NT5E: variants seen among roughly 807,000 people sequenced by gnomAD.
NT5E encodes 5'-nucleotidase ecto.
A neutral mutation model predicts 55.1 loss-of-function variants in NT5E; 53 were observed. The observed-to-expected ratio is 0.96, with a 90% CI of 0.77 to 1.21. The LOEUF is 1.21. Among genes scored for constraint, NT5E ranks in the 50% most tolerant of loss-of-function variants. NT5E has a pLI of 0.00. For missense variants in NT5E, 683 were observed against 724.3 expected, an observed-to-expected ratio of 0.94 and a Z score of 0.65; for synonymous variants, 270 against 278.4, an observed-to-expected ratio of 0.97 and a Z score of 0.30.
chr6:85,479,639 A>G (rs1174552454), intron 3 of NT5E, among the ~76,000 whole-genome samples: 1 of 152,210 alleles, frequency 6.6e-6, no homozygotes, highest in African/African-American at 2.4e-5. Flanking sequence ...GAGTATATCA[A>G]TGTATGGTCA....
intron 3 of NT5E, among the ~76,000 whole-genome samples, chr6:85,479,919 T>G (rs1459032161): frequency 6.6e-6 from 1 of 152,210 alleles, no homozygotes; most frequent in Non-Finnish European, 1.5e-5. Context: ...GTATCTGGAA[T>G]GATGCTGAGC....
chr6:85,468,537 G>A (rs1429433018), intron 2 of NT5E, among the ~76,000 whole-genome samples: 1 of 152,198 alleles, frequency 6.6e-6, no homozygotes, highest in African/African-American at 2.4e-5. Flanking sequence ...CCCAATGACT[G>A]TGCACAGTGC....
At chr6:85,492,564 CTG>C (rs1769809006) in intron 8 of NT5E, among the ~76,000 whole-genome samples, 1 of 152,154 alleles carries the variant, frequency 6.6e-6, no homozygotes, top group Admixed American at 6.5e-5. Flanking sequence ...GAAGAAGTTT[CTG>C]TGTGAATCAG....
intron 6 of NT5E, among the ~76,000 whole-genome samples, chr6:85,490,041 T>C (rs1296586922): frequency 1.3e-5 from 2 of 152,234 alleles, no homozygotes; most frequent in African/African-American, 2.4e-5. Context: ...TTATATCATA[T>C]GGCAAAACAA....
chr6:85,458,456 T>G (rs747323501), intron 1 of NT5E, among the ~76,000 whole-genome samples: 2 of 152,206 alleles, frequency 1.3e-5, no homozygotes, highest in African/African-American at 4.8e-5. Flanking sequence ...AGGTAGTTTC[T>G]CAGCTCATCT....
chr6:85,473,972 C>A (rs116328845), intron 3 of NT5E, among the ~76,000 whole-genome samples: 162 of 152,280 alleles, frequency 1.1e-3, no homozygotes, highest in African/African-American at 3.4e-3. Context: ...AGTGAGTGTG[C>A]CCTGATAGAC....
intron 2 of NT5E, 26 bp downstream of exon 2, chr6:85,467,308 A>G (rs770355566): frequency 7.7e-6 from 12 of 1,567,290 alleles, no homozygotes; most frequent in Non-Finnish European, 1.1e-5. Flanking sequence ...ATAGCACTCA[A>G]TGCTTGAAAA....
At chr6:85,472,225 C>A (rs920188107) in intron 3 of NT5E, among the ~76,000 whole-genome samples, 1 of 152,152 alleles carries the variant, frequency 6.6e-6, no homozygotes, top group Middle Eastern at 3.2e-3. Flanking sequence ...AAGGCTTTGG[C>A]GTGGGAACAG....
chr6:85,486,047 T>A (rs1287020350), intron 4 of NT5E, among the ~76,000 whole-genome samples: 1 of 152,202 alleles, frequency 6.6e-6, no homozygotes, highest in Non-Finnish European at 1.5e-5. Context: ...GCACTGGATA[T>A]ACCAGCATTT....
rs750031099 is a variant in NT5E at position 85,490,491 on chromosome 6, T to C, written c.1211-17T>C. On this transcript the variant is annotated splice_polypyrimidine_tract_variant and intron_variant, in intron 6 of 8. Coordinates refer to ENST00000257770, the MANE Select transcript of NT5E (RefSeq NM_002526.4). ...TCAAGCTATTTTCCTTCTTGCCTCA[T>C]CTGTGACTACCCTCAGGCACAATTA... 8 of 1,614,148 alleles carry C rather than the reference T, an allele frequency of 5.0e-6. No individual in the cohort carries two copies. Among genetic ancestry groups the C allele is most frequent in the Non-Finnish European group, 6.8e-6 (8 of 1,179,954 alleles).
chr6:85,478,547 G>C (rs1305394568), intron 3 of NT5E, among the ~76,000 whole-genome samples: 1 of 152,064 alleles, frequency 6.6e-6, no homozygotes, highest in Non-Finnish European at 1.5e-5. Context: ...TTCCTCTCAG[G>C]CTTAGCCACC....
At position 85,495,040 on chromosome 6, in the gene NT5E, T is replaced by C. The variant is rs1421660261; in HGVS notation, c.*1036T>C. On this transcript the variant is annotated 3_prime_UTR_variant, in exon 9 of 9. Coordinates refer to ENST00000257770, the MANE Select transcript of NT5E (RefSeq NM_002526.4). ...CTAACATAAGCTGTAATTCTAAACC[T>C]GCACTTGTCCCTCTCCAGCAAGAGG... 2 of 152,240 alleles carry C rather than the reference T, an allele frequency of 1.3e-5. No homozygotes were observed. Among genetic ancestry groups the C allele is most frequent in the African/African-American group, 2.4e-5 (1 of 41,464 alleles). 9.4% of individuals were successfully genotyped at this position (152,240 alleles called of 1,614,324 possible).
Position 85,478,376 on chromosome 6 carries a change from G to T in NT5E, c.752-6859G>T, listed in dbSNP as rs112565593. Among the ~76,000 whole-genome samples, 770 of 152,346 alleles carry T rather than the reference G, an allele frequency of 5.1e-3. 3 individuals are homozygous for T. The highest frequency in any genetic ancestry group is 8.8e-3 in the Non-Finnish European group (598 of 68,040). ...AAAGGTGATGGCCAGCTACTGTGAA[G>T]TCTTAAGCCCACTCATAGGTACGAA... On this transcript the variant is annotated intron_variant, in intron 3 of 8. Coordinates refer to ENST00000257770, the MANE Select transcript of NT5E (RefSeq NM_002526.4).
intron 1 of NT5E, among the ~76,000 whole-genome samples, chr6:85,466,352 C>T (rs772376059): frequency 2.0e-5 from 3 of 152,174 alleles, no homozygotes; most frequent in African/African-American, 4.8e-5. Context: ...GTACAGAACC[C>T]GCTGAAGGTC....
At chr6:85,486,621 C>G (rs942494847) in intron 4 of NT5E, among the ~76,000 whole-genome samples, 6 of 152,156 alleles carry the variant, frequency 3.9e-5, no homozygotes, top group Non-Finnish European at 7.4e-5. Flanking sequence ...CATTTGTAGG[C>G]TCTCTGCAGG....
At chr6:85,470,285 G>C (rs1267144929) in intron 2 of NT5E, among the ~76,000 whole-genome samples, 1 of 152,184 alleles carries the variant, frequency 6.6e-6, no homozygotes, top group Non-Finnish European at 1.5e-5. Flanking sequence ...TGCACAGTGA[G>C]AGCCATGCTT....
At chr6:85,454,995 A>G (rs1002465759) in intron 1 of NT5E, among the ~76,000 whole-genome samples, 10 of 152,222 alleles carry the variant, frequency 6.6e-5, no homozygotes, top group Non-Finnish European at 1.5e-4. Flanking sequence ...AATCTACACA[A>G]TGGACCAGGT....
rs114896456 is a variant in NT5E, at chr6:85,457,414, C to T, written c.339+6936C>T. Among the ~76,000 whole-genome samples, 1,341 of 152,316 alleles carry T rather than the reference C, an allele frequency of 8.8e-3. 14 individuals are homozygous for T. The highest frequency in any genetic ancestry group is 0.03 in the African/African-American group (1,253 of 41,552). On this transcript the variant is annotated intron_variant, in intron 1 of 8. Coordinates refer to ENST00000257770, the MANE Select transcript of NT5E (RefSeq NM_002526.4). ...TACTGCATGTTACTTCTCAGCACCT[C>T]AGCTCCTCCCCACCCCTCTCTCTTG...
chr6:85,491,351 C>G (rs1769779067), intron 7 of NT5E: 1 of 336,754 alleles, frequency 3.0e-6, no homozygotes, highest in South Asian at 2.3e-5. Flanking sequence ...ATTTTTTTAA[C>G]CTTAGGTTGT....
Sources: allele counts gnomAD v4.1 joint callset (sites outside exome capture counted in the v4.1 genomes callset), GRCh38; gene constraint gnomAD v4.1.1; transcripts MANE v1.5; gene names NCBI Gene and HGNC (gene_info 2026-07-23, HGNC 2026-07-21).